BUB1B: variants seen among roughly 807,000 people sequenced by gnomAD.
BUB1B encodes BUB1 mitotic checkpoint serine/threonine kinase B, also known as mitotic checkpoint serine/threonine-protein kinase BUB1 beta.
A neutral mutation model predicts 137.7 loss-of-function variants in BUB1B; 86 were observed. The observed-to-expected ratio is 0.62, with a 90% CI of 0.52 to 0.75. BUB1B has a LOEUF of 0.75. Among genes scored for constraint, BUB1B ranks in the 30% least tolerant of loss-of-function variants. BUB1B has a pLI of 0.00. For synonymous variants in BUB1B, 420 were observed against 417.9 expected (o/e 1.00, Z -0.06); for missense variants, 1,130 against 1,236.9 (o/e 0.91, Z 1.30).
chr15:40,177,584 G>T (rs758303908), intron 5 of BUB1B, among the ~76,000 whole-genome samples: 2 of 151,846 alleles, frequency 1.3e-5, no homozygotes, highest in African/African-American at 4.8e-5. Context: ...ACCGATGTAC[G>T]TGTCTATCCA....
chr15:40,200,493 A>G (rs545676458), intron 11 of BUB1B, 134 bp downstream of exon 11: 10 of 667,514 alleles, frequency 1.5e-5, no homozygotes, highest in Admixed American at 1.0e-4. Context: ...CTGTCACAAC[A>G]TAAGCTTTGA....
chr15:40,184,474 C>T (rs1455847387), intron 6 of BUB1B, among the ~76,000 whole-genome samples: 1 of 152,064 alleles, frequency 6.6e-6, no homozygotes, highest in Non-Finnish European at 1.5e-5. Flanking sequence ...CTGGACAACA[C>T]TGACTATTTT....
Position 40,206,381 on chromosome 15 carries a change from A to G in BUB1B, c.1932A>G (p.Leu644=), listed in dbSNP as rs541593983. ...AGAGACTGTTACCGGAAGAAGATCT[A>G]GATGTAAAGACCTCTGAGGACCAGC... ...DPERLLPEED[L]DVKTSEDQQT... Residue 644 remains leucine (L), a synonymous_variant, in exon 15 of 23, where the codon CTA becomes CTG. Coordinates refer to ENST00000287598, the MANE Select transcript of BUB1B (RefSeq NM_001211.6). 3.7e-6 allele frequency: 6 copies of G among 1,614,206 alleles called. No individual in the cohort carries two copies. In the African/African-American group the frequency reaches 5.3e-5, roughly 14 times the overall value.
At position 40,166,656 on chromosome 15, in the gene BUB1B, T is replaced by C. The variant is rs969011570; in HGVS notation, c.179+1460T>C. Among the ~76,000 whole-genome samples, 5 of 152,342 alleles carry C rather than the reference T, an allele frequency of 3.3e-5. No homozygotes were observed. The East Asian group carries it at 9.6e-4, about 29-fold the overall frequency. Reference sequence around the variant, plus strand: ...CGCCCAGCAGTAGACATAATTTTCATTTCCCTTGGAGTGGAATTGTTGGAC... The same window carrying C: ...CGCCCAGCAGTAGACATAATTTTCACTTCCCTTGGAGTGGAATTGTTGGAC... On this transcript the variant is annotated intron_variant, in intron 2 of 22. Transcript: ENST00000287598.
chr15:40,199,567 A>C, intron 9 of BUB1B, 48 bp from the exon 10 acceptor site: 1 of 1,483,206 alleles, frequency 6.7e-7, no homozygotes, highest in Non-Finnish European at 9.4e-7. Flanking sequence ...TTTTGACAGA[A>C]TGAGTTACTA....
rs777417259 is a variant in BUB1B at position 40,185,175 on chromosome 15, G to T, written c.762G>T (p.Gln254His). 2 of 1,613,884 alleles carry T rather than the reference G, an allele frequency of 1.2e-6. No individual in the cohort carries two copies. The highest frequency in any genetic ancestry group is 1.7e-6 in the Non-Finnish European group (2 of 1,179,846). ...RVGGALKAPS[Q>H]NRGLQNPFPQ... The stretch of plus-strand genomic sequence containing the variant: ...TATTTTTGCTCCTAGCTCCAAGCCA[G>T]AACAGAGGACTCCAAAATCCATTTC... Residue 254 changes from glutamine to histidine, a missense_variant, in exon 7 of 23, where the codon CAG becomes CAT. Transcript: ENST00000287598.
At chr15:40,162,687 G>A (rs900590450) in intron 1 of BUB1B, among the ~76,000 whole-genome samples, 8 of 152,178 alleles carry the variant, frequency 5.3e-5, no homozygotes, top group African/African-American at 9.7e-5. Context: ...GAATGGGATT[G>A]CCATTTATTT....
intron 16 of BUB1B, 128 bp from the exon 17 acceptor site, chr15:40,209,507 G>A: frequency 9.4e-7 from 1 of 1,063,584 alleles, no homozygotes; most frequent in South Asian, 1.3e-5. Context: ...AGACAGGTGA[G>A]TGTAGTTAAA....
intron 5 of BUB1B, 28 bp from the exon 6 acceptor site, chr15:40,183,686 C>A: frequency 1.9e-6 from 3 of 1,612,686 alleles, no homozygotes; most frequent in Non-Finnish European, 2.5e-6. Flanking sequence ...GGTCACCTCA[C>A]TAAAAGTTGT....
intron 4 of BUB1B, among the ~76,000 whole-genome samples, chr15:40,172,087 T>C (rs997859675): frequency 2.0e-5 from 3 of 150,476 alleles, no homozygotes; most frequent in Admixed American, 1.3e-4. Context: ...ATAAATTTCT[T>C]ACTAAAATAA....
intron 2 of BUB1B, among the ~76,000 whole-genome samples, chr15:40,165,724 A>G (rs2037088174): frequency 6.6e-6 from 1 of 152,110 alleles, no homozygotes; most frequent in Non-Finnish European, 1.5e-5. Context: ...ATGCTTTTTA[A>G]AAAAAAAGGT....
intron 17 of BUB1B, 69 bp downstream of exon 17, chr15:40,209,844 G>A: frequency 1.3e-6 from 2 of 1,571,540 alleles, no homozygotes; most frequent in Non-Finnish European, 1.8e-6. Context: ...TTGTACTTAA[G>A]CTTGATGCTT....
At chr15:40,166,542 G>C (rs553721805) in intron 2 of BUB1B, 1 of 269,922 alleles carries the variant, frequency 3.7e-6, no homozygotes, top group Non-Finnish European at 7.2e-6. Context: ...GGGTTTCACC[G>C]TGTTAGCCAG....
At chr15:40,205,711 T>G (rs1289391693) in intron 14 of BUB1B, among the ~76,000 whole-genome samples, 2 of 152,080 alleles carry the variant, frequency 1.3e-5, no homozygotes, top group Non-Finnish European at 2.9e-5. Context: ...CAATACAGAG[T>G]ATCATGAATG....
rs2037217518 is a variant in BUB1B, at chr15:40,175,869, C to T, written c.385-608C>T. On this transcript the variant is annotated intron_variant, in intron 4 of 22. Transcript: ENST00000287598. ...TGCTATTTTCTCTGGCTGAAATACC[C>T]TTCCCTTCCCATTTTCCACCTGATA... 2.0e-5 allele frequency among the ~76,000 whole-genome samples: 3 copies of T among 152,110 alleles called. No homozygotes were observed. In the South Asian group the frequency reaches 6.2e-4, roughly 32 times the overall value.
intron 18 of BUB1B, among the ~76,000 whole-genome samples, chr15:40,212,115 A>G (rs2037721099): frequency 6.6e-6 from 1 of 152,232 alleles, no homozygotes; most frequent in African/African-American, 2.4e-5. Flanking sequence ...GATTACAGGC[A>G]TGAGCCACTG....
In BUB1B at chr15:40,188,143, G is replaced by A. The variant is rs528976509; in HGVS notation, c.1058+2501G>A. Among the ~76,000 whole-genome samples the A allele has an allele frequency of 2.7e-4, 41 of 152,240 alleles. No individual in the cohort carries two copies. The East Asian group carries it at 7.0e-3, about 26-fold the overall frequency. ...GCTCACTGCAACCTCCACCTCCTAA[G>A]TTCAAGCAATTCTCCTGCCTCAGCC... On this transcript the variant is annotated intron_variant, in intron 8 of 22. Transcript: ENST00000287598.
chr15:40,170,199 A>G (rs1229818660), intron 3 of BUB1B, 78 bp downstream of exon 3: 15 of 1,360,774 alleles, frequency 1.1e-5, no homozygotes, highest in Non-Finnish European at 1.5e-5. Flanking sequence ...AAATTGGGGT[A>G]TATGGAGTGT....
chr15:40,199,162 G>A (rs2037533355), intron 9 of BUB1B, among the ~76,000 whole-genome samples: 1 of 152,140 alleles, frequency 6.6e-6, no homozygotes, highest in South Asian at 2.1e-4. Context: ...TTATCAGAAT[G>A]ATCTTCCCTG....
Sources: gnomAD v4.1 joint callset for allele counts (sites outside exome capture counted in the v4.1 genomes callset) on GRCh38, gnomAD v4.1.1 for gene constraint, MANE v1.5 for transcripts, NCBI Gene and HGNC (gene_info 2026-07-23, HGNC 2026-07-21) for gene names.